The following ZNHIT6 variants were observed in gnomAD, a reference collection of about 807,000 sequenced individuals.
The protein encoded by ZNHIT6 is box C/D snoRNA protein 1.
In ZNHIT6, 45 loss-of-function variants were observed where a neutral mutation model predicts 57.2. That is an observed-to-expected ratio of 0.79 (90% confidence interval 0.62 to 1.01). The LOEUF (loss-of-function observed/expected upper bound fraction) is 1.01, where lower values mean the gene tolerates loss of function less well. Among genes scored for constraint, ZNHIT6 ranks in the 50% least tolerant of loss-of-function variants. The probability of loss-of-function intolerance (pLI) is 0.00; values close to 1 mark genes in which losing one functional copy is unlikely to be tolerated. For synonymous variants in ZNHIT6, 188 were observed against 190.0 expected (o/e 0.99, Z 0.09); for missense variants, 528 against 567.3 (o/e 0.93, Z 0.70).
intron 5 of ZNHIT6, among the ~76,000 whole-genome samples, chr1:85,695,265 C>T (rs1003068019): frequency 6.6e-6 from 1 of 150,874 alleles, no homozygotes; most frequent in African/African-American, 2.4e-5. Flanking sequence ...GAGACCCTGT[C>T]TCCAAAAAAA....
At chr1:85,672,457 C>T (rs1661583872) in intron 8 of ZNHIT6, among the ~76,000 whole-genome samples, 1 of 152,152 alleles carries the variant, frequency 6.6e-6, no homozygotes, top group South Asian at 2.1e-4. Context: ...ACTTACTTGC[C>T]TTGTTTATGA....
rs114543232 is a variant in ZNHIT6 at position 85,686,926 on chromosome 1, C to T, written c.1020-6022G>A. Among the ~76,000 whole-genome samples, 1,309 of 152,000 alleles carry T rather than the reference C, an allele frequency of 8.6e-3. 20 individuals are homozygous for T. The highest frequency in any genetic ancestry group is 0.03 in the African/African-American group (1,240 of 41,452). ...GTACCTCAGGCTTCTCATAGTAAAA[C>T]AGGGATAACAACGGTATTTCTATCA... On this transcript the variant is annotated intron_variant, in intron 5 of 9. Coordinates refer to ENST00000370574, the MANE Select transcript of ZNHIT6 (RefSeq NM_017953.4).
At position 85,706,158 on chromosome 1, in the gene ZNHIT6, G is replaced by A. The variant is rs761151210; in HGVS notation, c.835C>T (p.Arg279Ter). 3.1e-6 allele frequency: 5 copies of A among 1,613,282 alleles called. No homozygotes were observed. The highest frequency in any genetic ancestry group is 2.2e-5 in the East Asian group (1 of 44,848). The change falls in exon 4 of 10, where the codon CGA becomes TGA. Residue 279 changes from arginine (R) to a stop codon, truncating the protein, a stop_gained. Coordinates refer to ENST00000370574, the MANE Select transcript of ZNHIT6 (RefSeq NM_017953.4). LOFTEE classifies it high-confidence loss of function. The part of the protein sequence containing the change: ...FTEMNLLSDY[R>*]FLEDVARTAD... ...GTTCTTGCCACATCTTCCAAAAATC[G>A]ATAATCTAAAAATTTCAAAACAGAA...
At chr1:85,663,420 T>A (rs1661278055) in intron 8 of ZNHIT6, among the ~76,000 whole-genome samples, 1 of 151,700 alleles carries the variant, frequency 6.6e-6, no homozygotes, top group South Asian at 2.1e-4. Flanking sequence ...CGATTCCTAA[T>A]CAGGTAAAGT....
At chr1:85,671,176 C>T (rs1405910832) in intron 8 of ZNHIT6, among the ~76,000 whole-genome samples, 1 of 152,190 alleles carries the variant, frequency 6.6e-6, no homozygotes, top group Non-Finnish European at 1.5e-5. Flanking sequence ...CATATTCTTC[C>T]AATATCCAAT....
chr1:85,687,295 A>AAAAAAAAAAAAAAAAAAAAAAAAAAAAAG (rs1662082039), intron 5 of ZNHIT6, among the ~76,000 whole-genome samples: 1 of 132,970 alleles, frequency 7.5e-6, no homozygotes, highest in African/African-American at 2.8e-5. Context: ...AAACAAAAAA[A>AAAAAAAAAAAAAAAAAAAAAAAAAAAAAG]AAACAAAAAA....
In ZNHIT6 at chr1:85,708,130, G is replaced by A. The variant is rs1662746772; in HGVS notation, c.155C>T (p.Thr52Ile). ...FGGGEEGTGL[T>I]GIKEIGDGEE... The stretch of plus-strand genomic sequence containing the variant: ...TCCATCCCCTATCTCCTTTATCCCT[G>A]TCAGCCCTGTCCCCTCCTCTCCGCC... Residue 52 changes from threonine to isoleucine, a missense_variant, in exon 1 of 10, where the codon ACA becomes ATA. Thr to Ile is a moderately conservative substitution (Grantham distance 89). Transcript: ENST00000370574. 1 of 1,613,892 alleles carries A rather than the reference G, an allele frequency of 6.2e-7. No individual in the cohort carries two copies. Among genetic ancestry groups the A allele is most frequent in the Non-Finnish European group, 8.5e-7 (1 of 1,180,000 alleles).
At chr1:85,707,584 G>GACT (rs113680715) in intron 1 of ZNHIT6, 45 bp downstream of exon 1, 8 of 1,505,498 alleles carry the variant, frequency 5.3e-6, no homozygotes, top group African/African-American at 2.8e-5. Flanking sequence ...TAGACATGAG[G>GACT]ACTCCACAGC....
At chr1:85,687,251 G>A (rs1399172058) in intron 5 of ZNHIT6, among the ~76,000 whole-genome samples, 1 of 121,650 alleles carries the variant, frequency 8.2e-6, no homozygotes, top group African/African-American at 3.1e-5. Context: ...CGGCACTCTA[G>A]CCTGGGTGAC....
In ZNHIT6 at chr1:85,678,794, G is replaced by GAA; in HGVS notation, c.1089-15_1089-14dup. 35 of 1,346,106 alleles carry GAA rather than the reference G, an allele frequency of 2.6e-5. No individual in the cohort carries two copies. The South Asian group carries it at 3.0e-4, about 12-fold the overall frequency. 83.4% of individuals were successfully genotyped at this position (1,346,106 alleles called of 1,614,324 possible). The stretch of plus-strand genomic sequence containing the variant: ...ATCATCTGGTACTCTTTACAACAAA[G>GAA]AAAAAAAAACAAGCTATATTAGTAT... On this transcript the variant is annotated splice_polypyrimidine_tract_variant and intron_variant, in intron 6 of 9. Transcript: ENST00000370574.
intron 8 of ZNHIT6, 109 bp from the exon 9 acceptor site, chr1:85,658,080 A>C: frequency 1.4e-6 from 1 of 697,586 alleles, no homozygotes; most frequent in Non-Finnish European, 2.2e-6. Flanking sequence ...AAAGGTGATG[A>C]CAATTCAGTA....
At chr1:85,695,802 C>T (rs1316130227) in intron 5 of ZNHIT6, among the ~76,000 whole-genome samples, 4 of 152,148 alleles carry the variant, frequency 2.6e-5, no homozygotes, top group East Asian at 1.9e-4. Flanking sequence ...TTTGGGAGGC[C>T]GAGGCGGGCG....
At chr1:85,696,416 G>A (rs116074811) in intron 5 of ZNHIT6, among the ~76,000 whole-genome samples, 5,390 of 151,652 alleles carry the variant, frequency 0.036, 111 homozygotes, top group Middle Eastern at 0.082. Flanking sequence ...ATACTTCTAC[G>A]TCTAATTGTT....
chr1:85,692,251 T>C (rs1662242222), intron 5 of ZNHIT6, among the ~76,000 whole-genome samples: 1 of 152,118 alleles, frequency 6.6e-6, no homozygotes, highest in South Asian at 2.1e-4. Context: ...GGAAAAGGCT[T>C]CCTTAACTGA....
intron 4 of ZNHIT6, among the ~76,000 whole-genome samples, chr1:85,702,900 T>C (rs1662577098): frequency 6.6e-6 from 1 of 152,146 alleles, no homozygotes; most frequent in Admixed American, 6.5e-5. Flanking sequence ...CAGATTTTTA[T>C]TAAGTCAAGG....
intron 8 of ZNHIT6, among the ~76,000 whole-genome samples, chr1:85,660,123 T>C (rs17398979): frequency 0.057 from 8,609 of 152,210 alleles, 356 homozygotes; most frequent in Middle Eastern, 0.1. Context: ...TCAAAGTTAG[T>C]AGCAATTATA....
At chr1:85,702,074 G>T in intron 5 of ZNHIT6, 83 bp downstream of exon 5, 2 of 844,654 alleles carry the variant, frequency 2.4e-6, no homozygotes, top group Non-Finnish European at 3.8e-6. Flanking sequence ...ACTTGGGGTA[G>T]CAATGCTCTA....
chr1:85,697,299 C>T (rs868177877), intron 5 of ZNHIT6, among the ~76,000 whole-genome samples: 1 of 152,014 alleles, frequency 6.6e-6, no homozygotes, highest in African/African-American at 2.4e-5. Context: ...TTATTATGGT[C>T]TTTTTTGCCA....
intron 5 of ZNHIT6, among the ~76,000 whole-genome samples, chr1:85,693,324 A>C (rs763458785): frequency 6.6e-6 from 1 of 152,180 alleles, no homozygotes; most frequent in African/African-American, 2.4e-5. Context: ...TGAAGAAAAA[A>C]AGGAAGCTTA....
Sources: gnomAD v4.1 joint callset for allele counts (sites outside exome capture counted in the v4.1 genomes callset) on GRCh38, gnomAD v4.1.1 for gene constraint, MANE v1.5 for transcripts, NCBI Gene and HGNC (gene_info 2026-07-23, HGNC 2026-07-21) for gene names.